SNTB2: variants seen among roughly 807,000 people sequenced by gnomAD.
The protein encoded by SNTB2 is syntrophin beta 2.
A neutral mutation model predicts 46.2 loss-of-function variants in SNTB2; 34 were observed. The ratio of observed to expected loss-of-function variants is 0.74; its 90% CI spans 0.56 to 0.98. The LOEUF (loss-of-function observed/expected upper bound fraction) is 0.98. SNTB2 is among the 50% of genes least tolerant of loss of function. The probability of loss-of-function intolerance (pLI) is 0.00; values close to 1 mark genes in which losing one functional copy is unlikely to be tolerated. For synonymous variants in SNTB2, 290 were observed against 312.6 expected, an observed-to-expected ratio of 0.93 and a Z score of 0.76; for missense variants, 603 against 731.4, an observed-to-expected ratio of 0.82 and a Z score of 2.02.
In SNTB2 at chr16:69,248,519, C is replaced by G. The variant is rs552621131; in HGVS notation, c.794+2704C>G. ...TGGTGGCAGGCACCTGTAATCCCAGCTACTTGGAAGGCCAAGGCAGGAGAA... is the reference window on the plus strand; with the variant it reads ...TGGTGGCAGGCACCTGTAATCCCAGGTACTTGGAAGGCCAAGGCAGGAGAA... On this transcript the variant is annotated intron_variant, in intron 2 of 6. Coordinates refer to ENST00000336278, the MANE Select transcript of SNTB2 (RefSeq NM_006750.4). 2.6e-5 allele frequency among the ~76,000 whole-genome samples: 4 copies of G among 152,222 alleles called. No homozygotes were observed. The South Asian group carries it at 8.3e-4, about 32-fold the overall frequency.
intron 1 of SNTB2, among the ~76,000 whole-genome samples, chr16:69,216,111 C>T (rs1357820673): frequency 1.3e-5 from 2 of 152,254 alleles, no homozygotes; most frequent in South Asian, 4.1e-4. Context: ...GCCACTGCAC[C>T]CAGCCCATTA....
At position 69,294,599 on chromosome 16, in the gene SNTB2, G is replaced by A. The variant is rs527908882; in HGVS notation, c.1346-4991G>A. Among the ~76,000 whole-genome samples the A allele has an allele frequency of 7.2e-5, 11 of 151,938 alleles. No homozygotes were observed. The East Asian group carries it at 2.1e-3, about 30-fold the overall frequency. ...AATACAAAAATTAGCAGGGCGTTGT[G>A]GTGCGCCCCTGTAGTCCCAGCTACT... On this transcript the variant is annotated intron_variant, in intron 5 of 6. Transcript: ENST00000336278.
At chr16:69,262,557 T>A (rs1333689620) in intron 3 of SNTB2, among the ~76,000 whole-genome samples, 1 of 152,234 alleles carries the variant, frequency 6.6e-6, no homozygotes, top group Non-Finnish European at 1.5e-5. Flanking sequence ...GTATAATGTT[T>A]TGATACGTGT....
intron 1 of SNTB2, among the ~76,000 whole-genome samples, chr16:69,206,192 T>G (rs904187283): frequency 6.6e-6 from 1 of 151,912 alleles, no homozygotes; most frequent in Non-Finnish European, 1.5e-5. Context: ...AGAGACAGGG[T>G]TCTCACTATG....
In SNTB2 at chr16:69,299,680, T is replaced by C. The variant is rs1220308824; in HGVS notation, c.1436T>C (p.Ile479Thr). 3.7e-6 allele frequency: 6 copies of C among 1,614,074 alleles called. No homozygotes were observed. Among genetic ancestry groups the C allele is most frequent in the Non-Finnish European group, 5.1e-6 (6 of 1,180,032 alleles). ...AGGGAAAATGGAGGCTCCAGCAGCA[T>C]ATTGTACCGCTACCCCTTTGAAAGG... ...ISRENGGSSSILYRYPFERLK... is the reference protein window; with the variant it reads ...ISRENGGSSSTLYRYPFERLK... Residue 479 changes from isoleucine to threonine, a missense_variant, in exon 6 of 7, where the codon ATA becomes ACA. By Grantham distance (89) the Ile-to-Thr change is moderately conservative. Transcript: ENST00000336278.
rs952993129 is a variant in SNTB2 at position 69,244,506 on chromosome 16, G to A, written c.581-1096G>A. On this transcript the variant is annotated intron_variant, in intron 1 of 6. Transcript: ENST00000336278. ...TACCTATTCACAGGAGAAACTGTGT[G>A]TACCACTGTGCCCAGCCAGTTTGTC... Among the ~76,000 whole-genome samples, 73 of 152,170 alleles carry A rather than the reference G, an allele frequency of 4.8e-4. 1 individual carries two copies. The highest frequency in any genetic ancestry group is 1.6e-3 in the African/African-American group (68 of 41,442).
intron 1 of SNTB2, among the ~76,000 whole-genome samples, chr16:69,202,045 C>T (rs1964167407): frequency 6.6e-6 from 1 of 152,096 alleles, no homozygotes; most frequent in Non-Finnish European, 1.5e-5. Context: ...TAATTTCAGC[C>T]ATTACCTGAG....
At chr16:69,285,752 A>G (rs576806060) in intron 5 of SNTB2, among the ~76,000 whole-genome samples, 1 of 149,892 alleles carries the variant, frequency 6.7e-6, no homozygotes, top group South Asian at 2.1e-4. Context: ...CAGTTTCCCA[A>G]AGTGCTGGGA....
chr16:69,193,657 TC>T (rs1315149620), intron 1 of SNTB2, among the ~76,000 whole-genome samples: 2 of 152,130 alleles, frequency 1.3e-5, no homozygotes, highest in African/African-American at 4.8e-5. Context: ...GATGAATTGA[TC>T]AACTAACAAA....
At position 69,307,098 on chromosome 16, in the gene SNTB2, A is replaced by T. The variant is rs557067547; in HGVS notation, c.*6174A>T. 2 of 152,230 alleles carry T rather than the reference A, an allele frequency of 1.3e-5. No homozygotes were observed. Among genetic ancestry groups the T allele is most frequent in the Non-Finnish European group, 2.9e-5 (2 of 68,038 alleles). The allele number at this position is 152,230 out of a possible 1,614,324, so 9.4% of individuals were successfully genotyped here. On this transcript the variant is annotated 3_prime_UTR_variant, in exon 7 of 7. Coordinates refer to ENST00000336278, the MANE Select transcript of SNTB2 (RefSeq NM_006750.4). Reference sequence around the variant, plus strand: ...TTCTTTCATCTAATAAACATTTATTAATGTATAGTTCTACACCAGGCATTC... The same window carrying T: ...TTCTTTCATCTAATAAACATTTATTTATGTATAGTTCTACACCAGGCATTC...
At chr16:69,198,644 G>T (rs979375077) in intron 1 of SNTB2, among the ~76,000 whole-genome samples, 1 of 152,090 alleles carries the variant, frequency 6.6e-6, no homozygotes, top group African/African-American at 2.4e-5. Context: ...CAAACATCTG[G>T]ATGTAGTTAC....
intron 1 of SNTB2, among the ~76,000 whole-genome samples, chr16:69,200,362 C>G (rs77206440): frequency 0.023 from 3,505 of 152,246 alleles, 136 homozygotes; most frequent in African/African-American, 0.08. Flanking sequence ...AATTATTTTT[C>G]TGTCAGGCAT....
At chr16:69,281,532 T>C (rs895122026) in intron 4 of SNTB2, among the ~76,000 whole-genome samples, 5 of 151,700 alleles carry the variant, frequency 3.3e-5, no homozygotes, top group African/African-American at 1.2e-4. Context: ...TGTCTACTTA[T>C]TTGTAGCGGC....
intron 1 of SNTB2, among the ~76,000 whole-genome samples, chr16:69,210,800 A>G (rs973642482): frequency 2.0e-5 from 3 of 152,026 alleles, no homozygotes; most frequent in Non-Finnish European, 4.4e-5. Flanking sequence ...CCAGACTAGC[A>G]TGGCCAATAT....
chr16:69,192,759 A>G (rs895747256), intron 1 of SNTB2, among the ~76,000 whole-genome samples: 1 of 152,200 alleles, frequency 6.6e-6, no homozygotes, highest in Non-Finnish European at 1.5e-5. Flanking sequence ...ATTTTAGTGT[A>G]AAAACAAAAC....
intron 1 of SNTB2, among the ~76,000 whole-genome samples, chr16:69,206,566 C>T (rs1964221548): frequency 6.6e-6 from 1 of 151,508 alleles, no homozygotes; most frequent in African/African-American, 2.4e-5. Context: ...TGGTGCATGC[C>T]TGTAATCCCA....
At chr16:69,225,470 GAAGTTTTGTTGTCT>G (rs535061856) in intron 1 of SNTB2, among the ~76,000 whole-genome samples, 1 of 152,192 alleles carries the variant, frequency 6.6e-6, no homozygotes, top group Non-Finnish European at 1.5e-5. Context: ...TTGTCTCGTG[GAAGTTTTGTTGTCT>G]AGTGGAAAAA....
At chr16:69,277,530 A>G (rs1397796326) in intron 4 of SNTB2, among the ~76,000 whole-genome samples, 1 of 152,260 alleles carries the variant, frequency 6.6e-6, no homozygotes, top group African/African-American at 2.4e-5. Flanking sequence ...ATAAGGTTTC[A>G]TATTCCACAT....
intron 1 of SNTB2, among the ~76,000 whole-genome samples, chr16:69,206,395 T>C (rs1964219656): frequency 6.6e-6 from 1 of 152,150 alleles, no homozygotes; most frequent in African/African-American, 2.4e-5. Flanking sequence ...TAGTCTCTAA[T>C]TTCCCTACAA....
Sources: allele counts gnomAD v4.1 joint callset (sites outside exome capture counted in the v4.1 genomes callset), GRCh38; gene constraint gnomAD v4.1.1; transcripts MANE v1.5; gene names NCBI Gene and HGNC (gene_info 2026-07-23, HGNC 2026-07-21).